The following ANTXR2 variants were observed in gnomAD, a reference collection of about 807,000 sequenced individuals.
ANTXR2 encodes the protein anthrax toxin receptor 2.
A neutral mutation model predicts 73.7 loss-of-function variants in ANTXR2; 44 were observed. The ratio of observed to expected loss-of-function variants is 0.60; its 90% confidence interval spans 0.47 to 0.77. The LOEUF (loss-of-function observed/expected upper bound fraction) is 0.77, where lower values mean the gene tolerates loss of function less well. ANTXR2 is among the 30% of genes least tolerant of loss of function. The pLI is 0.00. For missense variants in ANTXR2, 604 were observed against 592.5 expected (o/e 1.02, Z -0.20); for synonymous variants, 217 against 205.9 (o/e 1.05, Z -0.46).
rs557894875 is a variant in ANTXR2 at position 79,945,886 on chromosome 4, T to TA, written c.1428+31734dup. On this transcript the variant is annotated intron_variant, in intron 16 of 16. Transcript: ENST00000403729. ...TGAATAATGGTCCTAAATTTTTTTT[T>TA]AAAAAAGCTGAAAGCAGAGAAAGTA... Among the ~76,000 whole-genome samples the TA allele has an allele frequency of 1.6e-4, 25 of 152,166 alleles. No homozygotes were observed. The South Asian group carries it at 4.4e-3, about 26-fold the overall frequency.
intron 7 of ANTXR2, among the ~76,000 whole-genome samples, chr4:80,041,630 C>T (rs995557656): frequency 6.6e-6 from 1 of 151,960 alleles, no homozygotes; most frequent in Admixed American, 6.6e-5. Context: ...CCACCCCACC[C>T]TCAACAGGCC....
chr4:79,979,342 A>T (rs1729784715), intron 14 of ANTXR2, among the ~76,000 whole-genome samples: 1 of 151,970 alleles, frequency 6.6e-6, no homozygotes, highest in Non-Finnish European at 1.5e-5. Context: ...AGCTCTAAAA[A>T]CCTATAATAA....
chr4:79,985,859 G>A (rs1313234401), intron 12 of ANTXR2, among the ~76,000 whole-genome samples: 1 of 47,218 alleles, frequency 2.1e-5, no homozygotes, highest in Non-Finnish European at 4.3e-5. Context: ...TTTTTTTTTT[G>A]AGACGGAGTT....
Position 80,055,395 on chromosome 4 carries a change from A to G in ANTXR2, c.451T>C (p.Leu151=), listed in dbSNP as rs778106174. The change falls in exon 5 of 17, where the codon TTG becomes CTG. Residue 151 remains leucine, a synonymous_variant. Transcript: ENST00000403729. ...SIIIALTDGK[L]DGLVPSYAEK... ...GCATATGATGGCACCAGACCGTCCA[A>G]CTTGCCATCTGTCAGAGCAATTATG... The G allele has an allele frequency of 5.0e-6, 8 of 1,611,136 alleles. No individual in the cohort carries two copies. Among genetic ancestry groups the G allele is most frequent in the Non-Finnish European group, 6.8e-6 (8 of 1,178,396 alleles).
At chr4:79,974,428 GCA>G (rs1232025121) in intron 16 of ANTXR2, among the ~76,000 whole-genome samples, 1 of 152,038 alleles carries the variant, frequency 6.6e-6, no homozygotes, top group Non-Finnish European at 1.5e-5. Context: ...GGCATAAATA[GCA>G]CAGAGTGGAA....
intron 16 of ANTXR2, among the ~76,000 whole-genome samples, chr4:79,973,584 C>T (rs1192490240): frequency 1.1e-4 from 16 of 152,146 alleles, no homozygotes; most frequent in East Asian, 5.8e-4. Flanking sequence ...TGCCCCACCA[C>T]GCCTGGCTAA....
intron 16 of ANTXR2, among the ~76,000 whole-genome samples, chr4:79,966,164 A>T (rs1449604259): frequency 2.7e-5 from 4 of 148,702 alleles, no homozygotes; most frequent in Non-Finnish European, 6.0e-5. Flanking sequence ...ACTACTCTAA[A>T]GACAATTCAT....
chr4:79,966,169 A>G (rs930906353), intron 16 of ANTXR2, among the ~76,000 whole-genome samples: 9 of 136,336 alleles, frequency 6.6e-5, no homozygotes, highest in African/African-American at 2.5e-4. Context: ...TCTAAAGACA[A>G]TTCATTTTCT....
chr4:79,923,219 T>C (rs766181789), intron 16 of ANTXR2, among the ~76,000 whole-genome samples: 1 of 152,108 alleles, frequency 6.6e-6, no homozygotes, highest in African/African-American at 2.4e-5. Context: ...TTCAGTGCAA[T>C]AACACAATGA....
chr4:79,960,148 T>C (rs1279157741), intron 16 of ANTXR2, among the ~76,000 whole-genome samples: 1 of 152,170 alleles, frequency 6.6e-6, no homozygotes, highest in Non-Finnish European at 1.5e-5. Context: ...GGTTCCGCCT[T>C]AAAGCTATTT....
At position 79,904,605 on chromosome 4, in the gene ANTXR2, A is replaced by T. The variant is rs1726834532; in HGVS notation, c.*2824T>A. 1 of 152,110 alleles carries T rather than the reference A, an allele frequency of 6.6e-6. No individual in the cohort carries two copies. The highest frequency in any genetic ancestry group is 2.1e-4 in the South Asian group (1 of 4,826). The allele number at this position is 152,110 out of a possible 1,614,324, so 9.4% of individuals were successfully genotyped here. A position where few individuals can be genotyped will look rare whatever the true frequency, so the allele number is the denominator to read the frequency against. On this transcript the variant is annotated 3_prime_UTR_variant, in exon 17 of 17. Transcript: ENST00000403729. ...TGGATCAAATCCATAAAGAACAGAC[A>T]TTGTTATGAAATATATATAGATGCC...
chr4:80,018,764 T>G, intron 11 of ANTXR2, 134 bp downstream of exon 11: 3 of 719,474 alleles, frequency 4.2e-6, no homozygotes, highest in Non-Finnish European at 6.5e-6. Context: ...TATACAAAAT[T>G]TTTCCTTGTA....
chr4:79,998,482 G>T (rs1025823638), intron 12 of ANTXR2, among the ~76,000 whole-genome samples: 2 of 151,886 alleles, frequency 1.3e-5, no homozygotes, highest in Admixed American at 1.3e-4. Flanking sequence ...GGACTGTCTG[G>T]TTACCCCAAA....
intron 3 of ANTXR2, among the ~76,000 whole-genome samples, chr4:80,059,893 T>C (rs1015025006): frequency 1.1e-4 from 16 of 152,144 alleles, no homozygotes; most frequent in African/African-American, 3.9e-4. Context: ...AAAGATAGAC[T>C]GAAATCATGG....
In ANTXR2 at chr4:80,047,477, A is replaced by G. The variant is rs577886412; in HGVS notation, c.636+6795T>C. On this transcript the variant is annotated intron_variant, in intron 7 of 16. Transcript: ENST00000403729. ...GACACTTTTGCACCCTTACACTTCT[A>G]TGAATAGTGCTCCTTTCTATTTGGG... is the stretch of plus-strand genomic sequence containing the variant. 1.1e-3 allele frequency among the ~76,000 whole-genome samples: 173 copies of G among 151,688 alleles called. 9 individuals are homozygous for G. The South Asian group carries it at 0.026, about 23-fold the overall frequency.
At chr4:80,049,236 A>G (rs966870768) in intron 7 of ANTXR2, among the ~76,000 whole-genome samples, 13 of 151,720 alleles carry the variant, frequency 8.6e-5, no homozygotes, top group African/African-American at 2.4e-4. Flanking sequence ...TTATTCACCA[A>G]TCTGTGGTTT....
intron 16 of ANTXR2, among the ~76,000 whole-genome samples, chr4:79,933,595 C>T (rs1179267050): frequency 6.6e-6 from 1 of 151,976 alleles, no homozygotes; most frequent in Non-Finnish European, 1.5e-5. Flanking sequence ...TACATGTGCA[C>T]AACGTGCAGG....
chr4:80,051,621 T>G (rs909611428), intron 7 of ANTXR2, among the ~76,000 whole-genome samples: 2 of 151,674 alleles, frequency 1.3e-5, no homozygotes, highest in South Asian at 4.1e-4. Flanking sequence ...ACTAAAACAA[T>G]GCATTTTCCC....
In ANTXR2 at chr4:79,907,393, C is replaced by G; in HGVS notation, c.*36G>C. 1.2e-6 allele frequency: 2 copies of G among 1,600,168 alleles called. No individual in the cohort carries two copies. The highest frequency in any genetic ancestry group is 1.7e-6 in the Non-Finnish European group (2 of 1,170,026). On this transcript the variant is annotated 3_prime_UTR_variant, in exon 17 of 17. Transcript: ENST00000403729. ...TGAAAATCAGCTATGTGAAAATGTG[C>G]CATCTTCGTACCTTCTTGGTCTTCC...
Sources: allele counts gnomAD v4.1 joint callset (sites outside exome capture counted in the v4.1 genomes callset), GRCh38; gene constraint gnomAD v4.1.1; transcripts MANE v1.5; gene names NCBI Gene and HGNC (gene_info 2026-07-23, HGNC 2026-07-21).